Variants in LEPR observed in about 807,000 individuals in gnomAD.
The protein encoded by LEPR is leptin receptor.
In LEPR, 56 loss-of-function variants were observed where a neutral mutation model predicts 114.7. The observed-to-expected ratio is 0.49, with a 90% CI of 0.39 to 0.61. The LOEUF is 0.61. LEPR is among the 20% of genes least tolerant of loss of function. LEPR has a pLI of 0.00. For synonymous variants in LEPR, 443 were observed against 461.4 expected (o/e 0.96, Z 0.51); for missense variants, 1,202 against 1,352.9 (o/e 0.89, Z 1.75).
At chr1:65,634,959 T>G in intron 19 of LEPR, 1 of 816,106 alleles carries the variant, frequency 1.2e-6, no homozygotes, top group Non-Finnish European at 1.5e-6. Flanking sequence ...TAATTCAGTA[T>G]TTGTCATTAT....
chr1:65,579,664 A>G (rs953023199), intron 5 of LEPR, among the ~76,000 whole-genome samples: 2 of 152,162 alleles, frequency 1.3e-5, no homozygotes, highest in African/African-American at 4.8e-5. Context: ...TTGGGTGCCT[A>G]CTCTAGACAA....
At chr1:65,473,626 A>G (rs1647118250) in intron 2 of LEPR, among the ~76,000 whole-genome samples, 1 of 152,206 alleles carries the variant, frequency 6.6e-6, no homozygotes, top group Non-Finnish European at 1.5e-5. Context: ...ATTAGCTGTC[A>G]GATTCGGGGC....
chr1:65,480,159 A>G (rs1386821242), intron 2 of LEPR, among the ~76,000 whole-genome samples: 1 of 152,108 alleles, frequency 6.6e-6, no homozygotes. Context: ...CCTATTGAAA[A>G]CCTGGAGCTT....
At chr1:65,440,585 G>A (rs997573024) in intron 2 of LEPR, among the ~76,000 whole-genome samples, 2 of 152,150 alleles carry the variant, frequency 1.3e-5, no homozygotes, top group African/African-American at 4.8e-5. Context: ...CAGTTATGGA[G>A]GCGGCAATGG....
At chr1:65,606,091 CATT>C (rs1458148756) in intron 11 of LEPR, among the ~76,000 whole-genome samples, 1 of 152,006 alleles carries the variant, frequency 6.6e-6, no homozygotes, top group Non-Finnish European at 1.5e-5. Flanking sequence ...ATATTTGAGT[CATT>C]ATTTTTCAAT....
chr1:65,475,235 T>C (rs1019382960), intron 2 of LEPR, among the ~76,000 whole-genome samples: 35 of 152,278 alleles, frequency 2.3e-4, no homozygotes, highest in African/African-American at 7.0e-4. Context: ...GTGTTGGACT[T>C]CCGTGTTTTC....
intron 2 of LEPR, chr1:65,431,813 G>T: frequency 6.2e-7 from 1 of 1,612,776 alleles, no homozygotes; most frequent in Non-Finnish European, 8.5e-7. Context: ...ATCAAATGGG[G>T]AGCCTGCGGC....
chr1:65,430,156 C>G (rs1473301522), intron 2 of LEPR: 1 of 1,000,616 alleles, frequency 1.0e-6, no homozygotes, highest in Non-Finnish European at 1.4e-6. Context: ...ATACTCAAGG[C>G]CGTGTGTTTT....
chr1:65,515,659 CTGTA>C (rs1043066103), intron 2 of LEPR, among the ~76,000 whole-genome samples: 3 of 152,026 alleles, frequency 2.0e-5, no homozygotes, highest in African/African-American at 7.2e-5. Context: ...TTCGTTTGTT[CTGTA>C]TGTATTTGTT....
At chr1:65,521,239 T>C (rs1046210722) in intron 2 of LEPR, among the ~76,000 whole-genome samples, 1 of 152,252 alleles carries the variant, frequency 6.6e-6, no homozygotes, top group African/African-American at 2.4e-5. Flanking sequence ...CCTCAAAGAA[T>C]GTGTCTAATG....
chr1:65,516,391 C>A (rs947622627), intron 2 of LEPR, among the ~76,000 whole-genome samples: 9 of 152,040 alleles, frequency 5.9e-5, no homozygotes. Context: ...TTGCAGTGAG[C>A]CGAGATCACT....
intron 2 of LEPR, among the ~76,000 whole-genome samples, chr1:65,496,248 C>A (rs1648148686): frequency 6.6e-6 from 1 of 152,026 alleles, no homozygotes; most frequent in African/African-American, 2.4e-5. Flanking sequence ...AGATAATTAT[C>A]TCCTTAAGAG....
In LEPR at chr1:65,633,773, T is replaced by G. The variant is rs1266296709; in HGVS notation, c.2674-2418T>G. 4 of 985,480 alleles carry G rather than the reference T, an allele frequency of 4.1e-6. No homozygotes were observed. In the African/African-American group the frequency reaches 7.0e-5, roughly 17 times the overall value. 61.0% of individuals were successfully genotyped at this position (985,480 alleles called of 1,614,324 possible). A position where few individuals can be genotyped will look rare whatever the true frequency, so the allele number is the denominator to read the frequency against. The stretch of plus-strand genomic sequence containing the variant: ...CTTTGTTCAATCTGGGAATTTCAGT[T>G]TTCAATATCCTTGAAAATGGCTTAA... On this transcript the variant is annotated intron_variant, in intron 19 of 19. Coordinates refer to ENST00000349533, the MANE Select transcript of LEPR (RefSeq NM_002303.6). This position sits in a 1 kb window ranked among gnomAD's most constrained non-coding sequence, Gnocchi z 4.1.
intron 5 of LEPR, among the ~76,000 whole-genome samples, chr1:65,574,028 T>C (rs1044161981): frequency 2.0e-5 from 3 of 152,238 alleles, no homozygotes; most frequent in Non-Finnish European, 2.9e-5. Flanking sequence ...GGGACCTGTA[T>C]GTACAGAGTT....
chr1:65,529,452 C>T (rs768364374), intron 2 of LEPR, among the ~76,000 whole-genome samples: 157 of 148,482 alleles, frequency 1.1e-3, no homozygotes, highest in Non-Finnish European at 1.9e-3. Flanking sequence ...ACCTGGGAGA[C>T]GGAGGTTGCA....
intron 2 of LEPR, among the ~76,000 whole-genome samples, chr1:65,461,640 A>G (rs1557604937): frequency 6.6e-6 from 1 of 152,226 alleles, no homozygotes; most frequent in Non-Finnish European, 1.5e-5. Flanking sequence ...ATCCCAAAAA[A>G]TTTATGTAGA....
chr1:65,552,545 G>A (rs1343172094), intron 2 of LEPR, among the ~76,000 whole-genome samples: 1 of 151,652 alleles, frequency 6.6e-6, no homozygotes, highest in East Asian at 1.9e-4. Context: ...TTTCTTTTTT[G>A]CTTTCCATTT....
At chr1:65,523,860 C>A (rs553882307) in intron 2 of LEPR, among the ~76,000 whole-genome samples, 1 of 152,132 alleles carries the variant, frequency 6.6e-6, no homozygotes. Context: ...TTAAGAATCT[C>A]GAGATGAGAC....
At chr1:65,613,925 C>G (rs1373904899) in intron 14 of LEPR, among the ~76,000 whole-genome samples, 2 of 139,842 alleles carry the variant, frequency 1.4e-5, no homozygotes, top group Non-Finnish European at 3.1e-5. Flanking sequence ...TGGCTAAAAT[C>G]CAAAAAAAAA....
Sources: allele counts gnomAD v4.1 joint callset (sites outside exome capture counted in the v4.1 genomes callset), GRCh38; gene constraint gnomAD v4.1.1; non-coding constraint Gnocchi (gnomAD v3.1); transcripts MANE v1.5; gene names NCBI Gene and HGNC (gene_info 2026-07-23, HGNC 2026-07-21).